Variants in TSEN15 observed in about 807,000 individuals in gnomAD.
TSEN15 encodes the protein tRNA splicing endonuclease subunit 15, also known as tRNA-splicing endonuclease subunit Sen15.
Under a neutral mutation model 20.5 loss-of-function variants are expected in TSEN15, and 10 were observed. The ratio of observed to expected loss-of-function variants is 0.49; its 90% CI spans 0.30 to 0.83. The LOEUF (loss-of-function observed/expected upper bound fraction) is 0.83, where lower values mean the gene tolerates loss of function less well. Among genes scored for constraint, TSEN15 ranks in the 40% least tolerant of loss-of-function variants. TSEN15 has a pLI of 0.06. For missense variants in TSEN15, 180 were observed against 218.6 expected (o/e 0.82, Z 1.11); for synonymous variants, 72 against 80.1 (o/e 0.90, Z 0.54).
Position 184,094,915 on chromosome 1 carries a change from T to G in TSEN15, c.354-775T>G, listed in dbSNP as rs143088548. 3,356 of 397,660 alleles carry G rather than the reference T, an allele frequency of 8.4e-3. 20 individuals are homozygous for G. The highest frequency in any genetic ancestry group is 1.0e-2 in the Non-Finnish European group (2,247 of 225,690). 24.6% of individuals were successfully genotyped at this position (397,660 alleles called of 1,614,324 possible). A position where few individuals can be genotyped will look rare whatever the true frequency, so the allele number is the denominator to read the frequency against. On this transcript the variant is annotated intron_variant, in intron 3 of 3. Transcript: ENST00000643231. Reference sequence around the variant, plus strand: ...GGGGTACTAGCTCCCAGGCTGGAGGTGGCCTCTGACAGACATGGCCTCTGA... The same window carrying G: ...GGGGTACTAGCTCCCAGGCTGGAGGGGGCCTCTGACAGACATGGCCTCTGA...
chr1:184,060,770 TACC>T (rs1456920148), intron 3 of TSEN15, among the ~76,000 whole-genome samples: 3 of 137,494 alleles, frequency 2.2e-5, no homozygotes, highest in African/African-American at 7.5e-5. Context: ...AAGTGAGCTG[TACC>T]ACGGTCTCAG....
intron 3 of TSEN15, among the ~76,000 whole-genome samples, chr1:184,080,058 G>A (rs1024358790): frequency 6.6e-6 from 1 of 152,160 alleles, no homozygotes; most frequent in Non-Finnish European, 1.5e-5. Flanking sequence ...TTGTCCCAAA[G>A]TACTCAGCAT....
At chr1:184,090,475 A>G (rs959241158) in intron 3 of TSEN15, among the ~76,000 whole-genome samples, 3 of 152,194 alleles carry the variant, frequency 2.0e-5, no homozygotes, top group Non-Finnish European at 2.9e-5. Flanking sequence ...TGTAAATTAT[A>G]CCTCAGTAGA....
At chr1:184,089,541 G>A (rs1392749274) in intron 3 of TSEN15, among the ~76,000 whole-genome samples, 1 of 152,106 alleles carries the variant, frequency 6.6e-6, no homozygotes, top group Admixed American at 6.6e-5. Context: ...CGGAGATGGA[G>A]GAGAAGAGTG....
At chr1:184,052,035 C>T (rs1222601564) in intron 1 of TSEN15, 145 bp downstream of exon 1, 2 of 849,920 alleles carry the variant, frequency 2.4e-6, no homozygotes, top group Non-Finnish European at 1.6e-6. Flanking sequence ...GCACAACTGC[C>T]AGCCTCAGGC....
chr1:184,095,999 G>T lies in TSEN15; in HGVS notation c.*195G>T, dbSNP rs143715802. ...ACTATCAATAATTGCCATTGTTATT[G>T]CTTCTAATAAAACACCCACCCTTCT... On this transcript the variant is annotated 3_prime_UTR_variant, in exon 4 of 4. Transcript: ENST00000643231. 6.3e-5 allele frequency: 22 copies of T among 349,874 alleles called. 1 individual carries two copies. The highest frequency in any genetic ancestry group is 3.1e-4 in the African/African-American group (15 of 47,732). The allele number at this position is 349,874 out of a possible 1,614,324, so 21.7% of individuals were successfully genotyped here. A position where few individuals can be genotyped will look rare whatever the true frequency, so the allele number is the denominator to read the frequency against.
chr1:184,085,002 G>GA (rs935026072), intron 3 of TSEN15, among the ~76,000 whole-genome samples: 18 of 147,678 alleles, frequency 1.2e-4, no homozygotes, highest in African/African-American at 3.8e-4. Context: ...TTTTTTTTTT[G>GA]GTCTCACTTT....
intron 3 of TSEN15, among the ~76,000 whole-genome samples, chr1:184,090,181 C>T (rs936150376): frequency 2.0e-5 from 3 of 152,200 alleles, no homozygotes; most frequent in African/African-American, 7.2e-5. Flanking sequence ...ACATGGGTGA[C>T]TCACAAAACA....
Position 184,051,879 on chromosome 1 carries a change from A to G in TSEN15, c.124A>G (p.Thr42Ala). The G allele has an allele frequency of 6.4e-7, 1 of 1,552,742 alleles. No individual in the cohort carries two copies. Among genetic ancestry groups the G allele is most frequent in the South Asian group, 1.2e-5 (1 of 83,124 alleles). Residue 42 changes from threonine to alanine, a missense_variant, in exon 1 of 5, where the codon ACT becomes GCT. Physicochemically the swap from Thr to Ala is moderately conservative, Grantham distance 58. Transcript: ENST00000645668. The part of the protein sequence containing the change: ...SWAPEDAWMG[T>A]HPKYLEMMEL... ...GGCCCCTGAGGACGCCTGGATGGGC[A>G]CTCACCCTAAGGTCAGGAGGCGCGA...
At chr1:184,062,447 A>C (rs1311393205) in intron 3 of TSEN15, among the ~76,000 whole-genome samples, 2 of 152,250 alleles carry the variant, frequency 1.3e-5, no homozygotes, top group East Asian at 3.9e-4. Flanking sequence ...AGGAATACTA[A>C]CTAAAACTAG....
chr1:184,051,903 G>T lies in TSEN15; in HGVS notation c.135+13G>T, dbSNP rs996624305. Reference sequence around the variant, plus strand: ...CACTCACCCTAAGGTCAGGAGGCGCGAGAGGAGCAGGGCGCCGTCCAGGCC... The same window carrying T: ...CACTCACCCTAAGGTCAGGAGGCGCTAGAGGAGCAGGGCGCCGTCCAGGCC... On this transcript the variant is annotated intron_variant, in intron 1 of 4. Transcript: ENST00000645668. 5.2e-6 allele frequency: 8 copies of T among 1,527,702 alleles called. No homozygotes were observed. Among genetic ancestry groups the T allele is most frequent in the Non-Finnish European group, 7.0e-6 (8 of 1,135,190 alleles). 94.6% of individuals were successfully genotyped at this position (1,527,702 alleles called of 1,614,324 possible). A position where few individuals can be genotyped will look rare whatever the true frequency, so the allele number is the denominator to read the frequency against.
intron 3 of TSEN15, among the ~76,000 whole-genome samples, chr1:184,061,115 A>T (rs1650441270): frequency 6.6e-6 from 1 of 152,166 alleles, no homozygotes; most frequent in South Asian, 2.1e-4. Flanking sequence ...CTCTCACTCA[A>T]GAAAGAATGT....
At chr1:184,067,576 A>G (rs1650715860) in intron 3 of TSEN15, among the ~76,000 whole-genome samples, 1 of 152,130 alleles carries the variant, frequency 6.6e-6, no homozygotes, top group Admixed American at 6.5e-5. Flanking sequence ...TAAAGAACAT[A>G]AGAATATACT....
At chr1:184,072,769 G>T in intron 4 of TSEN15, 58 bp from the exon 5 acceptor site, 1 of 1,425,442 alleles carries the variant, frequency 7.0e-7, no homozygotes, top group Non-Finnish European at 9.8e-7. Flanking sequence ...TTCTAATTTT[G>T]CTTTTGGATT....
At chr1:184,055,238 A>C (rs570756911) in intron 3 of TSEN15, among the ~76,000 whole-genome samples, 1 of 152,080 alleles carries the variant, frequency 6.6e-6, no homozygotes, top group African/African-American at 2.4e-5. Flanking sequence ...AGTGAGAGAG[A>C]GTGTTGAGGG....
intron 3 of TSEN15, chr1:184,095,215 C>T (rs1435503874): frequency 2.5e-6 from 1 of 397,396 alleles, no homozygotes; most frequent in East Asian, 3.6e-5. Flanking sequence ...CAGTTTCCTT[C>T]TGACACTGCT....
downstream of TSEN15, among the ~76,000 whole-genome samples, chr1:184,074,954 A>G (rs1651027770): frequency 6.6e-6 from 1 of 152,090 alleles, no homozygotes; most frequent in Non-Finnish European, 1.5e-5. Context: ...AGAATCCTCA[A>G]ACAGTTTATG....
At chr1:184,075,911 T>TATATATA (rs71297848), downstream of TSEN15, among the ~76,000 whole-genome samples, 22 of 102,780 alleles carry the variant, frequency 2.1e-4, no homozygotes, top group African/African-American at 7.7e-4. Flanking sequence ...TATATATATA[T>TATATATA]TTTTTTTTTT....
intron 3 of TSEN15, among the ~76,000 whole-genome samples, chr1:184,057,925 C>T (rs1223052450): frequency 6.6e-6 from 1 of 152,046 alleles, no homozygotes; most frequent in Admixed American, 6.5e-5. Context: ...ATCCAAGAGT[C>T]TTAATTCATT....
Sources: gnomAD v4.1 joint callset for allele counts (sites outside exome capture counted in the v4.1 genomes callset) on GRCh38, gnomAD v4.1.1 for gene constraint, MANE v1.5 for transcripts, NCBI Gene and HGNC (gene_info 2026-07-23, HGNC 2026-07-21) for gene names.